Variants in SGF29 observed in about 807,000 individuals in gnomAD.
SGF29 encodes the protein SAGA-associated factor 29.
Under a neutral mutation model 38.1 loss-of-function variants are expected in SGF29, and 15 were observed. The observed-to-expected ratio is 0.39, with a 90% CI of 0.26 to 0.61. SGF29 has a LOEUF of 0.61. SGF29 is among the 20% of genes least tolerant of loss of function. The pLI is 0.49. For missense variants in SGF29, 184 were observed against 394.6 expected, an observed-to-expected ratio of 0.47 and a Z score of 4.52; for synonymous variants, 151 against 160.8, an observed-to-expected ratio of 0.94 and a Z score of 0.46.
At chr16:28,588,552 C>G (rs961988713) in intron 4 of SGF29, 5 of 422,710 alleles carry the variant, frequency 1.2e-5, no homozygotes. Context: ...AAGACACATA[C>G]TGAAGATTTC....
chr16:28,568,557 A>G (rs1048353128), intron 1 of SGF29, among the ~76,000 whole-genome samples: 1 of 149,554 alleles, frequency 6.7e-6, no homozygotes, highest in East Asian at 2.0e-4. Context: ...CTGCTGTTGC[A>G]TCTCATTGCT....
chr16:28,576,367 A>C (rs938305067), intron 1 of SGF29, among the ~76,000 whole-genome samples: 26 of 152,032 alleles, frequency 1.7e-4, no homozygotes, highest in African/African-American at 6.0e-4. Flanking sequence ...TTACCTATGC[A>C]ACAAACCTTC....
intron 1 of SGF29, among the ~76,000 whole-genome samples, chr16:28,579,289 C>T (rs1342435612): frequency 7.3e-6 from 1 of 137,320 alleles, no homozygotes; most frequent in Non-Finnish European, 1.5e-5. Context: ...GACGGAGTCT[C>T]ACTCTGTCGC....
At chr16:28,580,743 CACG>C (rs2046920213) in intron 1 of SGF29, among the ~76,000 whole-genome samples, 1 of 152,148 alleles carries the variant, frequency 6.6e-6, no homozygotes, top group African/African-American at 2.4e-5. Flanking sequence ...AGTGCAATGG[CACG>C]ATCGTAGCTC....
At chr16:28,579,618 G>A (rs2046914026) in intron 1 of SGF29, among the ~76,000 whole-genome samples, 1 of 148,692 alleles carries the variant, frequency 6.7e-6, no homozygotes, top group South Asian at 2.2e-4. Context: ...TCTTGATTGA[G>A]ATATTTTACA....
intron 1 of SGF29, among the ~76,000 whole-genome samples, chr16:28,564,529 ATATATATATG>A (rs2046810055): frequency 1.6e-5 from 2 of 122,690 alleles, no homozygotes; most frequent in African/African-American, 3.1e-5. Flanking sequence ...ATGTGTGTGT[ATATATATATG>A]TATATATATA....
chr16:28,570,672 A>G (rs1164828904), intron 1 of SGF29, among the ~76,000 whole-genome samples: 1 of 151,722 alleles, frequency 6.6e-6, no homozygotes, highest in African/African-American at 2.4e-5. Flanking sequence ...TCTGCCTCCC[A>G]GGTTTAAGTG....
At chr16:28,588,316 C>T (rs1388183999) in intron 4 of SGF29, among the ~76,000 whole-genome samples, 2 of 152,168 alleles carry the variant, frequency 1.3e-5, no homozygotes, top group African/African-American at 4.8e-5. Flanking sequence ...TCCTTCCACC[C>T]AGTTCTGCTC....
At chr16:28,585,103 T>A in intron 3 of SGF29, 115 bp downstream of exon 3, 3 of 768,524 alleles carry the variant, frequency 3.9e-6, no homozygotes, top group Non-Finnish European at 6.4e-6. Context: ...TATCTGCATA[T>A]TCCAAAATGC....
Position 28,590,560 on chromosome 16 carries a change from C to G in SGF29, c.567-71C>G. On this transcript the variant is annotated intron_variant, in intron 7 of 9. Coordinates refer to ENST00000317058, the MANE Select transcript of SGF29 (RefSeq NM_138414.3). This position sits in a 1 kb window ranked among gnomAD's most constrained non-coding sequence, Gnocchi z 8.2. ...GGTTGTGCAGGGAGCACCAGGTCCTCCCCCATCCTCACTCCCCAACAGGTA... is the reference window on the plus strand; with the variant it reads ...GGTTGTGCAGGGAGCACCAGGTCCTGCCCCATCCTCACTCCCCAACAGGTA... 6.2e-7 allele frequency: 1 copy of G among 1,612,006 alleles called. No individual in the cohort carries two copies. The highest frequency in any genetic ancestry group is 8.5e-7 in the Non-Finnish European group (1 of 1,179,190).
chr16:28,558,017 C>CTTTTTTTTTTTTTT, intron 1 of SGF29, among the ~76,000 whole-genome samples: 1 of 138,618 alleles, frequency 7.2e-6, no homozygotes. Context: ...GCTGTGTTTC[C>CTTTTTTTTTTTTTT]CAGGCTGGTC....
intron 9 of SGF29, 67 bp downstream of exon 9, chr16:28,591,002 G>T: frequency 2.0e-6 from 3 of 1,494,518 alleles, no homozygotes; most frequent in Non-Finnish European, 9.0e-7. Context: ...CAGACGAGGG[G>T]TCCTCTCCCC....
At chr16:28,571,547 C>T (rs971988340) in intron 1 of SGF29, among the ~76,000 whole-genome samples, 29 of 149,542 alleles carry the variant, frequency 1.9e-4, no homozygotes, top group Non-Finnish European at 3.7e-4. Flanking sequence ...GAGCCAAGAT[C>T]ACGCCACTGC....
chr16:28,561,385 TA>T (rs1214115255), intron 1 of SGF29, among the ~76,000 whole-genome samples: 7 of 151,948 alleles, frequency 4.6e-5, no homozygotes, highest in Non-Finnish European at 8.8e-5. Flanking sequence ...ATACAAAAAT[TA>T]GCTGGGTGCG....
chr16:28,575,335 AAAAG>A (rs1323959960), intron 1 of SGF29, among the ~76,000 whole-genome samples: 2 of 152,246 alleles, frequency 1.3e-5, no homozygotes, highest in African/African-American at 4.8e-5. Context: ...AGCTAAAAGA[AAAAG>A]AAATTGGTCT....
intron 1 of SGF29, among the ~76,000 whole-genome samples, chr16:28,554,926 G>A (rs1453418865): frequency 1.3e-5 from 2 of 152,182 alleles, no homozygotes; most frequent in Non-Finnish European, 2.9e-5. Flanking sequence ...TTGGCTTGCT[G>A]AACGTTCTCT....
At chr16:28,578,043 C>G (rs958561207) in intron 1 of SGF29, among the ~76,000 whole-genome samples, 4 of 151,938 alleles carry the variant, frequency 2.6e-5, no homozygotes, top group African/African-American at 9.7e-5. Context: ...AGAAGTGGGG[C>G]TCAGGCTCGT....
intron 1 of SGF29, among the ~76,000 whole-genome samples, chr16:28,578,906 C>T (rs1266435382): frequency 6.6e-6 from 1 of 152,094 alleles, no homozygotes; most frequent in Non-Finnish European, 1.5e-5. Context: ...CGCACCGCTG[C>T]ACTCTAGCCT....
At chr16:28,554,462 T>C (rs916690636) in intron 1 of SGF29, among the ~76,000 whole-genome samples, 1 of 152,228 alleles carries the variant, frequency 6.6e-6, no homozygotes, top group Non-Finnish European at 1.5e-5. Context: ...ACTCCAGCAC[T>C]TATTTTATGA....
Sources: allele counts gnomAD v4.1 joint callset (sites outside exome capture counted in the v4.1 genomes callset), GRCh38; gene constraint gnomAD v4.1.1; non-coding constraint Gnocchi (gnomAD v3.1); transcripts MANE v1.5; gene names NCBI Gene and HGNC (gene_info 2026-07-23, HGNC 2026-07-21).